CDH12: variants seen among roughly 807,000 people sequenced by gnomAD.
CDH12 encodes the protein cadherin 12, also known as cadherin-12.
A neutral mutation model predicts 74.1 loss-of-function variants in CDH12; 41 were observed. The observed-to-expected ratio is 0.55, with a 90% CI of 0.43 to 0.72. The LOEUF (loss-of-function observed/expected upper bound fraction) is 0.72. CDH12 is among the 30% of genes least tolerant of loss of function. CDH12 has a pLI of 0.00. For synonymous variants in CDH12, 399 were observed against 355.0 expected, an observed-to-expected ratio of 1.12 and a Z score of -1.39; for missense variants, 945 against 977.2, an observed-to-expected ratio of 0.97 and a Z score of 0.44.
intron 5 of CDH12, among the ~76,000 whole-genome samples, chr5:21,995,412 C>T (rs1736225383): frequency 6.6e-6 from 1 of 151,834 alleles, no homozygotes; most frequent in South Asian, 2.1e-4. Flanking sequence ...CTTTTTCTGC[C>T]ATTCAAATAA....
intron 3 of CDH12, among the ~76,000 whole-genome samples, chr5:22,347,961 T>G (rs1740188125): frequency 6.6e-6 from 1 of 152,174 alleles, no homozygotes; most frequent in South Asian, 2.1e-4. Context: ...GCCATGGGGT[T>G]AAGCATAATG....
chr5:22,244,692 GAAAA>G (rs1344168924), intron 3 of CDH12, among the ~76,000 whole-genome samples: 1 of 129,052 alleles, frequency 7.7e-6, no homozygotes, highest in Non-Finnish European at 1.7e-5. Flanking sequence ...AAGAAGGAAA[GAAAA>G]GAAAAAGAAA....
intron 1 of CDH12, among the ~76,000 whole-genome samples, chr5:22,525,223 G>A (rs1414795360): frequency 6.6e-6 from 1 of 151,954 alleles, no homozygotes; most frequent in Non-Finnish European, 1.5e-5. Flanking sequence ...TGGACATTTG[G>A]GTTGGTTCCA....
intron 7 of CDH12, among the ~76,000 whole-genome samples, chr5:21,853,201 T>C (rs952069295): frequency 1.3e-5 from 2 of 151,584 alleles, no homozygotes; most frequent in African/African-American, 4.8e-5. Flanking sequence ...TTTACTGCCA[T>C]ATTTCTTGAA....
At chr5:21,752,373 AATCAATAGG>A (rs1309775239) in intron 14 of CDH12, 137 bp from the exon 15 acceptor site, 1 of 689,220 alleles carries the variant, frequency 1.5e-6, no homozygotes, top group East Asian at 2.6e-5. Context: ...AACATACCAT[AATCAATAGG>A]ATCATACATA....
chr5:22,452,004 T>G (rs531652841), intron 2 of CDH12, among the ~76,000 whole-genome samples: 43 of 151,782 alleles, frequency 2.8e-4, no homozygotes, highest in South Asian at 1.2e-3. Flanking sequence ...TACCTAAGAA[T>G]GCATTTAACC....
At chr5:21,934,474 G>C (rs767702825) in intron 6 of CDH12, among the ~76,000 whole-genome samples, 2 of 152,180 alleles carry the variant, frequency 1.3e-5, no homozygotes, top group Non-Finnish European at 2.9e-5. Context: ...GAAAGGTAAA[G>C]TAAGTATTGA....
intron 1 of CDH12, among the ~76,000 whole-genome samples, chr5:22,768,295 A>G (rs1308250877): frequency 6.6e-6 from 1 of 152,098 alleles, no homozygotes; most frequent in African/African-American, 2.4e-5. Context: ...TGGAAACTAA[A>G]TATGTGTTAT....
chr5:22,464,198 C>T (rs1417114142), intron 2 of CDH12, among the ~76,000 whole-genome samples: 2 of 152,190 alleles, frequency 1.3e-5, no homozygotes, highest in Non-Finnish European at 2.9e-5. Context: ...TGACTGGCTC[C>T]TCCTTGCCTT....
At chr5:22,117,512 A>ATT (rs1554012043) in intron 4 of CDH12, among the ~76,000 whole-genome samples, 8 of 58,570 alleles carry the variant, frequency 1.4e-4, no homozygotes, top group African/African-American at 4.5e-4. Flanking sequence ...ATATATATAT[A>ATT]ATATATATAT....
At chr5:22,721,058 G>A (rs1244472469) in intron 1 of CDH12, among the ~76,000 whole-genome samples, 2 of 152,220 alleles carry the variant, frequency 1.3e-5, no homozygotes, top group East Asian at 3.9e-4. Flanking sequence ...AGACAATGGG[G>A]AAAATGTCTC....
chr5:21,785,881 A>T (rs533777856), intron 10 of CDH12, among the ~76,000 whole-genome samples: 2 of 152,300 alleles, frequency 1.3e-5, no homozygotes, highest in East Asian at 3.9e-4. Flanking sequence ...AACAGATTTT[A>T]AATGTATACA....
intron 1 of CDH12, among the ~76,000 whole-genome samples, chr5:22,702,919 CT>C (rs1742794283): frequency 6.6e-6 from 1 of 152,042 alleles, no homozygotes; most frequent in Non-Finnish European, 1.5e-5. Context: ...AGTAAATAAA[CT>C]AACTTTTCTG....
At chr5:21,987,329 G>C (rs904920692) in intron 5 of CDH12, among the ~76,000 whole-genome samples, 2 of 152,066 alleles carry the variant, frequency 1.3e-5, no homozygotes, top group African/African-American at 4.8e-5. Context: ...TACATTGGGA[G>C]TAAAACTTTA....
chr5:22,106,240 C>A (rs1427975621), intron 4 of CDH12, among the ~76,000 whole-genome samples: 2 of 151,928 alleles, frequency 1.3e-5, no homozygotes, highest in Non-Finnish European at 2.9e-5. Context: ...ATGAGTTTAC[C>A]TATGTAACAA....
Position 21,785,429 on chromosome 5 carries a change from G to A in CDH12, c.1257-1935C>T, listed in dbSNP as rs562498665. On this transcript the variant is annotated intron_variant, in intron 10 of 14. Coordinates refer to ENST00000382254, the MANE Select transcript of CDH12 (RefSeq NM_004061.5). Reference sequence around the variant, plus strand: ...TGATTAAGCTCAGTGAAGAAGGCATGCCTAAAGCCAAGATAGTCCAAAAGC... The same window carrying A: ...TGATTAAGCTCAGTGAAGAAGGCATACCTAAAGCCAAGATAGTCCAAAAGC... Among the ~76,000 whole-genome samples, 164 of 152,308 alleles carry A rather than the reference G, an allele frequency of 1.1e-3. 1 individual carries two copies. Among genetic ancestry groups the A allele is most frequent in the African/African-American group, 3.6e-3 (150 of 41,560 alleles).
At chr5:22,493,183 C>T (rs1046189039) in intron 2 of CDH12, among the ~76,000 whole-genome samples, 2 of 152,176 alleles carry the variant, frequency 1.3e-5, no homozygotes, top group African/African-American at 2.4e-5. Flanking sequence ...TCAGAGGCAA[C>T]TTTTCTGACC....
At chr5:22,261,224 G>A (rs532469373) in intron 3 of CDH12, among the ~76,000 whole-genome samples, 12 of 151,368 alleles carry the variant, frequency 7.9e-5, no homozygotes, top group Middle Eastern at 3.4e-3. Context: ...CATATTACTC[G>A]TTCACAAATT....
At chr5:21,917,070 C>G (rs976791253) in intron 6 of CDH12, among the ~76,000 whole-genome samples, 2 of 152,166 alleles carry the variant, frequency 1.3e-5, no homozygotes, top group African/African-American at 4.8e-5. Context: ...CTCTAGGCCC[C>G]CTTTTCTGGT....
Sources: gnomAD v4.1 joint callset for allele counts (sites outside exome capture counted in the v4.1 genomes callset) on GRCh38, gnomAD v4.1.1 for gene constraint, MANE v1.5 for transcripts, NCBI Gene and HGNC (gene_info 2026-07-23, HGNC 2026-07-21) for gene names.